The following NEK10 variants were observed in gnomAD, a reference collection of about 807,000 sequenced individuals.
NEK10 encodes the protein serine/threonine-protein kinase Nek10.
NEK10 carries 122 observed loss-of-function variants against 159.8 expected under a neutral mutation model. The ratio of observed to expected loss-of-function variants is 0.76; its 90% CI spans 0.66 to 0.89. NEK10 has a LOEUF of 0.89. NEK10 is among the 40% of genes least tolerant of loss of function. The pLI is 0.00. For synonymous variants in NEK10, 466 were observed against 457.1 expected (o/e 1.02, Z -0.25); for missense variants, 1,342 against 1,323.1 (o/e 1.01, Z -0.22).
At chr3:27,147,793 T>C (rs1944445270) in intron 30 of NEK10, among the ~76,000 whole-genome samples, 1 of 152,216 alleles carries the variant, frequency 6.6e-6, no homozygotes, top group African/African-American at 2.4e-5. Context: ...AAAAATGGTA[T>C]CATTTTATTG....
intron 5 of NEK10, among the ~76,000 whole-genome samples, chr3:27,341,603 G>A (rs1366690860): frequency 1.3e-5 from 2 of 152,148 alleles, no homozygotes; most frequent in South Asian, 2.1e-4. Context: ...GAGATTTACT[G>A]TGAGGTATTT....
chr3:27,166,403 T>C (rs1946480845), intron 29 of NEK10, among the ~76,000 whole-genome samples: 2 of 152,140 alleles, frequency 1.3e-5, no homozygotes, highest in Non-Finnish European at 2.9e-5. Context: ...GTTTGTTTGT[T>C]TGTTTTAAGG....
At chr3:27,142,508 T>TA (rs529203992) in intron 30 of NEK10, among the ~76,000 whole-genome samples, 164 of 142,918 alleles carry the variant, frequency 1.1e-3, no homozygotes, top group Admixed American at 3.1e-3. Context: ...AATTTCCTTT[T>TA]AAAAAAAAAA....
intron 25 of NEK10, among the ~76,000 whole-genome samples, chr3:27,195,545 A>G (rs1369625855): frequency 1.3e-5 from 2 of 152,240 alleles, no homozygotes; most frequent in Admixed American, 6.5e-5. Context: ...TGCAATCTTA[A>G]TTTATTATCA....
intron 35 of NEK10, among the ~76,000 whole-genome samples, 175 bp from the exon 36 acceptor site, chr3:27,111,495 G>A (rs1433425106): frequency 2.6e-5 from 4 of 152,152 alleles, no homozygotes; most frequent in African/African-American, 9.7e-5. Context: ...GCTGAAGTCT[G>A]GTGCTAACAA....
chr3:27,177,535 ACTCT>A (rs1947638188), intron 26 of NEK10, among the ~76,000 whole-genome samples: 1 of 135,750 alleles, frequency 7.4e-6, no homozygotes, highest in South Asian at 2.3e-4. Flanking sequence ...ACAGAGCAAG[ACTCT>A]TGTCTCAAAA....
intron 8 of NEK10, 100 bp downstream of exon 8, chr3:27,311,999 T>C: frequency 1.3e-6 from 1 of 783,500 alleles, no homozygotes. Context: ...TGTGCGAACA[T>C]TAATAAATAT....
rs776968126 is a variant in NEK10 at position 27,295,598 on chromosome 3, A to T, written c.1308+15T>A. 1 of 1,549,098 alleles carries T rather than the reference A, an allele frequency of 6.5e-7. No individual in the cohort carries two copies. Among genetic ancestry groups the T allele is most frequent in the South Asian group, 1.2e-5 (1 of 82,764 alleles). ...CAATAACTTGATACTGAAGGACAAG[A>T]GACATGTTTATTACCTGTAATAGAT... On this transcript the variant is annotated intron_variant, in intron 15 of 35. Transcript: ENST00000691995.
At chr3:27,193,185 G>C (rs952588281) in intron 25 of NEK10, among the ~76,000 whole-genome samples, 1 of 152,108 alleles carries the variant, frequency 6.6e-6, no homozygotes, top group African/African-American at 2.4e-5. Flanking sequence ...CAAACACCAA[G>C]TCCTGTGACT....
intron 23 of NEK10, among the ~76,000 whole-genome samples, chr3:27,251,411 C>T (rs531680734): frequency 7.9e-5 from 12 of 152,200 alleles, no homozygotes; most frequent in African/African-American, 2.9e-4. Flanking sequence ...TAGTACCATC[C>T]CTTTAGTGCT....
intron 26 of NEK10, among the ~76,000 whole-genome samples, chr3:27,175,211 A>C (rs1458921311): frequency 6.6e-6 from 1 of 152,208 alleles, no homozygotes; most frequent in Non-Finnish European, 1.5e-5. Flanking sequence ...TACCACAGCA[A>C]ATAAGTAAGG....
At chr3:27,174,414 A>G in intron 28 of NEK10, 25 bp downstream of exon 28, 1 of 1,607,608 alleles carries the variant, frequency 6.2e-7, no homozygotes, top group Non-Finnish European at 8.5e-7. Context: ...TCCCACAAAC[A>G]GCAAATTGAT....
intron 5 of NEK10, among the ~76,000 whole-genome samples, chr3:27,337,993 G>A (rs1172169992): frequency 3.9e-5 from 6 of 151,998 alleles, no homozygotes; most frequent in Non-Finnish European, 7.4e-5. Flanking sequence ...TGTGCACAAC[G>A]TGCAGGTTTG....
intron 31 of NEK10, among the ~76,000 whole-genome samples, chr3:27,139,928 G>A (rs1200825450): frequency 6.6e-6 from 1 of 152,172 alleles, no homozygotes; most frequent in Admixed American, 6.5e-5. Flanking sequence ...AAGCCCTGTG[G>A]TTGCTCTCCT....
At chr3:27,334,793 T>A (rs1005303424) in intron 5 of NEK10, among the ~76,000 whole-genome samples, 8 of 152,078 alleles carry the variant, frequency 5.3e-5, no homozygotes, top group Non-Finnish European at 2.9e-5. Flanking sequence ...TTATACCAGA[T>A]GTGCAGATGT....
intron 22 of NEK10, among the ~76,000 whole-genome samples, chr3:27,261,354 G>A (rs1236887946): frequency 2.0e-5 from 3 of 152,026 alleles, no homozygotes; most frequent in Non-Finnish European, 2.9e-5. Flanking sequence ...TCTCTTGTTG[G>A]CATTTAGTGC....
At chr3:27,125,300 A>G (rs771562013) in intron 32 of NEK10, among the ~76,000 whole-genome samples, 4 of 152,198 alleles carry the variant, frequency 2.6e-5, no homozygotes, top group African/African-American at 2.4e-5. Context: ...CATCTTTTTC[A>G]TATGATAAAA....
intron 25 of NEK10, among the ~76,000 whole-genome samples, chr3:27,201,142 GT>G (rs1482100328): frequency 2.0e-5 from 3 of 152,090 alleles, no homozygotes; most frequent in African/African-American, 7.2e-5. Context: ...ATGGCTTTTT[GT>G]TTCATGTGTT....
chr3:27,251,944 T>G (rs1955712534), intron 23 of NEK10, among the ~76,000 whole-genome samples: 1 of 152,166 alleles, frequency 6.6e-6, no homozygotes, highest in African/African-American at 2.4e-5. Flanking sequence ...GAAAAGCATT[T>G]TCTTCAGGCT....
Sources: gnomAD v4.1 joint callset for allele counts (sites outside exome capture counted in the v4.1 genomes callset) on GRCh38, gnomAD v4.1.1 for gene constraint, MANE v1.5 for transcripts, NCBI Gene and HGNC (gene_info 2026-07-23, HGNC 2026-07-21) for gene names.